SLC52A1: variants seen among roughly 807,000 people sequenced by gnomAD.
SLC52A1 encodes solute carrier family 52 member 1.
Under a neutral mutation model 23.2 loss-of-function variants are expected in SLC52A1, and 20 were observed. The observed-to-expected ratio is 0.86, with a 90% CI of 0.61 to 1.25. The LOEUF is 1.25. Among genes scored for constraint, SLC52A1 ranks in the 50% most tolerant of loss-of-function variants. The pLI, the probability that SLC52A1 is intolerant of heterozygous loss-of-function variation, is 0.00. For missense variants in SLC52A1, 528 were observed against 557.0 expected (o/e 0.95, Z 0.52); for synonymous variants, 260 against 256.6 (o/e 1.01, Z -0.13).
Position 5,034,529 on chromosome 17 carries a change from A to T in SLC52A1, c.78T>A (p.Ala26=). The part of the protein sequence containing the change: ...VALFGMGSWA[A]VNGIWVELPV... ...GCAGCTCCACCCAGATCCCGTTCACAGCAGCCCAGGAGCCCATGCCAAAAA... is the reference window on the plus strand; with the variant it reads ...GCAGCTCCACCCAGATCCCGTTCACTGCAGCCCAGGAGCCCATGCCAAAAA... Residue 26 remains alanine (A), a synonymous_variant, in exon 2 of 5, where the codon GCT becomes GCA. Coordinates refer to ENST00000254853, the MANE Select transcript of SLC52A1 (RefSeq NM_017986.4). 2 of 1,614,194 alleles carry T rather than the reference A, an allele frequency of 1.2e-6. No homozygotes were observed. The highest frequency in any genetic ancestry group is 1.7e-6 in the Non-Finnish European group (2 of 1,180,030).
chr17:5,036,403 CTTTTTT>C (rs34031349), upstream of SLC52A1, among the ~76,000 whole-genome samples: 58 of 59,202 alleles, frequency 9.8e-4, no homozygotes, highest in African/African-American at 3.8e-3. Flanking sequence ...CTAATTTTTG[CTTTTTT>C]TTTTTTTTTT....
rs72822610 is a variant in SLC52A1, at chr17:5,033,041, A to G, written c.1263T>C (p.Leu421=). The G allele has an allele frequency of 2.5e-4, 408 of 1,613,604 alleles. 2 individuals are homozygous for G. In the South Asian group the frequency reaches 4.2e-3, roughly 17 times the overall value. Residue 421 remains leucine (L), a synonymous_variant, in exon 5 of 5, where the codon CTT becomes CTC. Coordinates refer to ENST00000254853, the MANE Select transcript of SLC52A1 (RefSeq NM_017986.4). ...AGVAIQVGSL[L]GAGAMFPPTS... ...TGGGAGGGAACATGGCACCGGCACC[A>G]AGCAGGGAGCCCACTTGGATGGCCA...
rs60480329 is a variant in SLC52A1, at chr17:5,032,883, A to G, written c.*74T>C. On this transcript the variant is annotated 3_prime_UTR_variant, in exon 5 of 5. Transcript: ENST00000254853. ...GTGTTGGGGGAAGCCTGCCTGGGCC[A>G]CAAGTAGTCAGGCACTGTGGCAGCC... is the stretch of plus-strand genomic sequence containing the variant. The G allele has an allele frequency of 0.096, 132,931 of 1,391,598 alleles. 10,222 individuals are homozygous for G. The highest frequency in any genetic ancestry group is 0.4 in the African/African-American group (28,237 of 70,442). The allele number at this position is 1,391,598 out of a possible 1,614,324, so 86.2% of individuals were successfully genotyped here.
chr17:5,037,664 C>A (rs1975488495), upstream of SLC52A1, among the ~76,000 whole-genome samples: 1 of 152,156 alleles, frequency 6.6e-6, no homozygotes, highest in South Asian at 2.1e-4. Flanking sequence ...GTGTGGCCCT[C>A]AAAGCCTAAA....
upstream of SLC52A1, among the ~76,000 whole-genome samples, chr17:5,037,486 T>G (rs1975485055): frequency 6.6e-6 from 1 of 152,026 alleles, no homozygotes; most frequent in Non-Finnish European, 1.5e-5. Flanking sequence ...GCCACTGCAG[T>G]CCAGTCGAGA....
chr17:5,034,131 C>T lies in SLC52A1; in HGVS notation c.358G>A (p.Val120Met). Residue 120 changes from valine to methionine, a missense_variant, in exon 3 of 5, where the codon GTG becomes ATG. Coordinates refer to ENST00000254853, the MANE Select transcript of SLC52A1 (RefSeq NM_017986.4). Reference sequence around the variant, plus strand: ...GAGGTACAACAGGCCATTGCCAACACCAAGGCCAGAGTTAGGAAGGCCACA... The same window carrying T: ...GAGGTACAACAGGCCATTGCCAACATCAAGGCCAGAGTTAGGAAGGCCACA... ...HSVAFLTLAL[V>M]LAMACCTSNV... The T allele has an allele frequency of 1.9e-6, 3 of 1,614,202 alleles. No individual in the cohort carries two copies. The highest frequency in any genetic ancestry group is 2.5e-6 in the Non-Finnish European group (3 of 1,180,026).
At position 5,033,838 on chromosome 17, in the gene SLC52A1, C is replaced by T. The variant is rs539940475; in HGVS notation, c.651G>A (p.Leu217=). ...TGGTTACAGAGGGTAGTGATGGCAA[C>T]AGCAACAGGAGACCCCGGAAGGCGG... ...SAAAFRGLLL[L]LPSLPSVTTG... Residue 217 remains leucine (L), a synonymous_variant, in exon 3 of 5, where the codon CTG becomes CTA. Transcript: ENST00000254853. 5.0e-6 allele frequency: 8 copies of T among 1,614,208 alleles called. No individual in the cohort carries two copies. The African/African-American group carries it at 8.0e-5, about 16-fold the overall frequency.
Position 5,033,966 on chromosome 17 carries a change from C to T in SLC52A1, c.523G>A (p.Ala175Thr). Residue 175 changes from alanine (A) to threonine (T), a missense_variant, in exon 3 of 5, where the codon GCG becomes ACG. Physicochemically the swap from Ala to Thr is moderately conservative, Grantham distance 58 (BLOSUM62 0). Coordinates refer to ENST00000254853, the MANE Select transcript of SLC52A1 (RefSeq NM_017986.4). ...QGVGRLECPPAPTNGTSGPPL... is the reference protein window; with the variant it reads ...QGVGRLECPPTPTNGTSGPPL... ...GGCCCAGAGGTGCCATTGGTGGGCG[C>T]TGGTGGGCACTCGAGGCGGCCCACA... The T allele has an allele frequency of 6.2e-7, 1 of 1,614,114 alleles. No individual in the cohort carries two copies. The highest frequency in any genetic ancestry group is 2.2e-5 in the East Asian group (1 of 44,876).
chr17:5,033,247 C>T lies in SLC52A1; in HGVS notation c.1134+14G>A. On this transcript the variant is annotated intron_variant, in intron 4 of 4. Transcript: ENST00000254853. ...GGACACCCTCCTCCCCACTTCATGT[C>T]TCCACTTGCTCACCACAAGGACCAC... 2 of 1,613,432 alleles carry T rather than the reference C, an allele frequency of 1.2e-6. No individual in the cohort carries two copies. Among genetic ancestry groups the T allele is most frequent in the East Asian group, 2.2e-5 (1 of 44,840 alleles).
chr17:5,034,870 C>A lies in SLC52A1; in HGVS notation c.-117G>T. 1 of 382,570 alleles carries A rather than the reference C, an allele frequency of 2.6e-6. No homozygotes were observed. Among genetic ancestry groups the A allele is most frequent in the Non-Finnish European group, 4.9e-6 (1 of 204,206 alleles). 23.7% of individuals were successfully genotyped at this position (382,570 alleles called of 1,614,324 possible). On this transcript the variant is annotated 5_prime_UTR_variant, in exon 1 of 5. Transcript: ENST00000254853. ...GGGAGCCAGGACTTACCACGGGGCA[C>A]CGGCTGTGCGTTTGGGTACAGCGAC...
chr17:5,033,977 T>A lies in SLC52A1; in HGVS notation c.512A>T (p.Glu171Val), dbSNP rs1213737763. 6.2e-7 allele frequency: 1 copy of A among 1,613,914 alleles called. No individual in the cohort carries two copies. The highest frequency in any genetic ancestry group is 2.2e-5 in the East Asian group (1 of 44,852). The change falls in exon 3 of 5, where the codon GAG (glutamate) becomes GTG (valine). Residue 171 changes from glutamate (E) to valine (V), a missense_variant. By Grantham distance (121) the Glu-to-Val change is moderately radical. Transcript: ENST00000254853. Reference sequence around the variant, plus strand: ...GCCATTGGTGGGCGCTGGTGGGCACTCGAGGCGGCCCACACCTTGCACTAG... The same window carrying A: ...GCCATTGGTGGGCGCTGGTGGGCACACGAGGCGGCCCACACCTTGCACTAG... ...LALVQGVGRLECPPAPTNGTS... is the reference protein window; with the variant it reads ...LALVQGVGRLVCPPAPTNGTS...
chr17:5,042,035 C>T (rs758349889), intron 1 of SLC52A1, among the ~76,000 whole-genome samples: 2 of 152,274 alleles, frequency 1.3e-5, no homozygotes, highest in East Asian at 1.9e-4. Context: ...CATGCCCAGC[C>T]GTCCAACTTC....
In SLC52A1 at chr17:5,032,949, G is replaced by T; in HGVS notation, c.*8C>A. 6.2e-7 allele frequency: 1 copy of T among 1,608,418 alleles called. No individual in the cohort carries two copies. Among genetic ancestry groups the T allele is most frequent in the Non-Finnish European group, 8.5e-7 (1 of 1,175,720 alleles). Reference sequence around the variant, plus strand: ...GTGGGGTGGAGTTGGGTCCCCACCTGCCCAGGCTCAGGGGCCACAGGGGTC... The same window carrying T: ...GTGGGGTGGAGTTGGGTCCCCACCTTCCCAGGCTCAGGGGCCACAGGGGTC... On this transcript the variant is annotated 3_prime_UTR_variant, in exon 5 of 5. Transcript: ENST00000254853.
At chr17:5,037,052 G>A (rs1171382079), upstream of SLC52A1, among the ~76,000 whole-genome samples, 8 of 152,100 alleles carry the variant, frequency 5.3e-5, no homozygotes, top group Admixed American at 5.2e-4. Flanking sequence ...AGGCGTCTGA[G>A]GTGAGAGCAT....
chr17:5,034,688 T>C lies in SLC52A1; in HGVS notation c.-82A>G. Reference sequence around the variant, plus strand: ...TAGGTAGGTCCAAAGATGCTTTGGTTCTTCTGGAAACTGAAGACCTTCTAG... The same window carrying C: ...TAGGTAGGTCCAAAGATGCTTTGGTCCTTCTGGAAACTGAAGACCTTCTAG... On this transcript the variant is annotated 5_prime_UTR_variant, in exon 2 of 5. Coordinates refer to ENST00000254853, the MANE Select transcript of SLC52A1 (RefSeq NM_017986.4). 6.4e-7 allele frequency: 1 copy of C among 1,550,838 alleles called. No homozygotes were observed. Among genetic ancestry groups the C allele is most frequent in the Non-Finnish European group, 8.7e-7 (1 of 1,146,668 alleles).
At position 5,033,017 on chromosome 17, in the gene SLC52A1, G is replaced by A. The variant is rs781294982; in HGVS notation, c.1287C>T (p.Pro429=). The change falls in exon 5 of 5, where the codon CCC becomes CCT. Residue 429 remains proline, a synonymous_variant. Coordinates refer to ENST00000254853, the MANE Select transcript of SLC52A1 (RefSeq NM_017986.4). ...SLLGAGAMFP[P]TSIYHVFQSR... Reference sequence around the variant, plus strand: ...TTTGAAACACGTGGTAGATGCTGGTGGGAGGGAACATGGCACCGGCACCAA... The same window carrying A: ...TTTGAAACACGTGGTAGATGCTGGTAGGAGGGAACATGGCACCGGCACCAA... 33 of 1,613,684 alleles carry A rather than the reference G, an allele frequency of 2.0e-5. No individual in the cohort carries two copies. The highest frequency in any genetic ancestry group is 1.5e-4 in the South Asian group (14 of 91,078).
upstream of SLC52A1, among the ~76,000 whole-genome samples, chr17:5,037,906 C>G: frequency 2.0e-5 from 1 of 49,136 alleles, no homozygotes; most frequent in Admixed American, 1.7e-4. Context: ...TTCTTTCTTT[C>G]TTCCTTCCTT....
At chr17:5,042,024 C>A (rs1212168215) in intron 1 of SLC52A1, among the ~76,000 whole-genome samples, 1 of 152,194 alleles carries the variant, frequency 6.6e-6, no homozygotes, top group Non-Finnish European at 1.5e-5. Context: ...GCGTGAGTCA[C>A]CATGCCCAGC....
At position 5,034,278 on chromosome 17, in the gene SLC52A1, G is replaced by T; in HGVS notation, c.211C>A (p.Leu71Met). The change falls in exon 3 of 5, where the codon CTG becomes ATG. Residue 71 changes from leucine to methionine, a missense_variant. Transcript: ENST00000254853. Reference protein sequence around the residue: ...GLLVVTLWRQLAPGKGEQVPI... With the variant: ...GLLVVTLWRQMAPGKGEQVPI... The stretch of plus-strand genomic sequence containing the variant: ...ACCTGCTCGCCCTTGCCCGGGGCCA[G>T]CTGCCTCCACAGGGTCACCACCAGC... 1 of 1,608,906 alleles carries T rather than the reference G, an allele frequency of 6.2e-7. No individual in the cohort carries two copies. Among genetic ancestry groups the T allele is most frequent in the Non-Finnish European group, 8.5e-7 (1 of 1,176,914 alleles).
Sources: gnomAD v4.1 joint callset for allele counts (sites outside exome capture counted in the v4.1 genomes callset) on GRCh38, gnomAD v4.1.1 for gene constraint, MANE v1.5 for transcripts, NCBI Gene and HGNC (gene_info 2026-07-23, HGNC 2026-07-21) for gene names.